The following PPP1R9A variants were observed in gnomAD, a reference collection of about 807,000 sequenced individuals.
PPP1R9A encodes neurabin-1.
In PPP1R9A, 59 loss-of-function variants were observed where a neutral mutation model predicts 141.9. The observed-to-expected ratio is 0.42, with a 90% CI of 0.34 to 0.52. The LOEUF is 0.52. Ranked by LOEUF, PPP1R9A falls within the 20% of genes least tolerant of loss-of-function variation. PPP1R9A has a pLI of 0.10. For missense variants in PPP1R9A, 1,444 were observed against 1,611.9 expected, an observed-to-expected ratio of 0.90 and a Z score of 1.78; for synonymous variants, 500 against 569.7, an observed-to-expected ratio of 0.88 and a Z score of 1.74.
At chr7:95,117,333 C>T (rs757120983) in intron 3 of PPP1R9A, among the ~76,000 whole-genome samples, 5 of 152,094 alleles carry the variant, frequency 3.3e-5, no homozygotes, top group Non-Finnish European at 7.3e-5. Flanking sequence ...CCAGACTTCA[C>T]TCAGAGAAAG....
chr7:95,235,398 G>T (rs368860970), intron 8 of PPP1R9A, among the ~76,000 whole-genome samples: 13 of 152,190 alleles, frequency 8.5e-5, no homozygotes, highest in Non-Finnish European at 1.9e-4. Context: ...ATAAACAAAT[G>T]TCCAACAAAC....
chr7:95,207,511 T>C (rs1791084424), intron 7 of PPP1R9A, among the ~76,000 whole-genome samples: 1 of 152,046 alleles, frequency 6.6e-6, no homozygotes, highest in Non-Finnish European at 1.5e-5. Flanking sequence ...AAACAAAATA[T>C]TAGCAAACCA....
intron 2 of PPP1R9A, among the ~76,000 whole-genome samples, chr7:94,937,132 A>G (rs148570817): frequency 3.3e-4 from 50 of 152,184 alleles, no homozygotes; most frequent in African/African-American, 1.0e-3. Flanking sequence ...TTTTGCTTCT[A>G]TGAATAATGC....
intron 2 of PPP1R9A, among the ~76,000 whole-genome samples, chr7:94,971,237 G>T (rs554413114): frequency 6.6e-6 from 1 of 152,246 alleles, no homozygotes; most frequent in East Asian, 1.9e-4. Flanking sequence ...AGTGGGGGAG[G>T]TCTAGGAAGA....
intron 2 of PPP1R9A, among the ~76,000 whole-genome samples, chr7:94,995,678 A>C (rs1029581072): frequency 3.3e-5 from 5 of 151,900 alleles, no homozygotes; most frequent in Non-Finnish European, 5.9e-5. Flanking sequence ...CCATACCTCT[A>C]CTTAATTTTT....
intron 8 of PPP1R9A, among the ~76,000 whole-genome samples, chr7:95,237,142 G>A (rs1441233668): frequency 4.1e-5 from 6 of 147,768 alleles, no homozygotes; most frequent in Non-Finnish European, 7.5e-5. Context: ...ATATTTAGAT[G>A]TGAAGTTTAT....
chr7:95,031,274 T>C (rs1376857917), intron 2 of PPP1R9A, among the ~76,000 whole-genome samples: 4 of 152,204 alleles, frequency 2.6e-5, no homozygotes, highest in Non-Finnish European at 4.4e-5. Context: ...ATAACTTAGA[T>C]GTAACATTAA....
intron 2 of PPP1R9A, among the ~76,000 whole-genome samples, chr7:94,921,305 G>T (rs1792784326): frequency 6.6e-6 from 1 of 151,994 alleles, no homozygotes; most frequent in Non-Finnish European, 1.5e-5. Context: ...AAATTAGCTG[G>T]GCGTGGTTGC....
At chr7:95,143,364 T>G (rs1304506332) in intron 4 of PPP1R9A, among the ~76,000 whole-genome samples, 1 of 152,096 alleles carries the variant, frequency 6.6e-6, no homozygotes, top group African/African-American at 2.4e-5. Context: ...ATTACAATTT[T>G]TTTCTTTTTT....
chr7:95,202,671 T>G (rs1445005146), intron 6 of PPP1R9A: 11 of 701,244 alleles, frequency 1.6e-5, no homozygotes, highest in Admixed American at 1.3e-4. Flanking sequence ...AACTTTTTAG[T>G]AACATTTAAT....
chr7:95,085,603 C>T (rs572532537), intron 2 of PPP1R9A, among the ~76,000 whole-genome samples: 69 of 151,344 alleles, frequency 4.6e-4, no homozygotes, highest in Middle Eastern at 6.8e-3. Context: ...TTAGTAGTGA[C>T]GGGGTTTCGC....
intron 2 of PPP1R9A, among the ~76,000 whole-genome samples, chr7:94,915,405 A>G (rs2150640467): frequency 6.6e-6 from 1 of 152,222 alleles, no homozygotes; most frequent in East Asian, 1.9e-4. Flanking sequence ...TGCTTCTTAA[A>G]CTTTAATATG....
At chr7:95,223,884 G>A (rs1487199333) in intron 7 of PPP1R9A, among the ~76,000 whole-genome samples, 1 of 151,950 alleles carries the variant, frequency 6.6e-6, no homozygotes, top group Non-Finnish European at 1.5e-5. Context: ...GGTATCTTGA[G>A]ATTATTTACT....
In PPP1R9A at chr7:95,268,642, C is replaced by T. The variant is rs372926792; in HGVS notation, c.2758C>T (p.Pro920Ser). The T allele has an allele frequency of 6.2e-7, 1 of 1,613,336 alleles. No individual in the cohort carries two copies. Among genetic ancestry groups the T allele is most frequent in the African/African-American group, 1.3e-5 (1 of 74,874 alleles). The change falls in exon 13 of 20, where the codon CCC (proline) becomes TCC (serine). Residue 920 changes from proline to serine, a missense_variant. By Grantham distance (74) the Pro-to-Ser change is moderately conservative. Around this residue, in one of 5 missense-constraint regions of PPP1R9A, gnomAD observed 488 missense variants for 542.0 expected, o/e 0.90. Coordinates refer to ENST00000433360, the MANE Select transcript of PPP1R9A (RefSeq NM_001166160.2). ...CTCTGTGAAGAACAGACGCCAGAGA[C>T]CCTCTAGGACAAGACTGTATGATAG... The part of the protein sequence containing the change: ...QLSVKNRRQR[P>S]SRTRLYDSVS...
intron 2 of PPP1R9A, among the ~76,000 whole-genome samples, chr7:95,011,668 G>A (rs1406007962): frequency 5.3e-5 from 8 of 152,118 alleles, no homozygotes; most frequent in Non-Finnish European, 1.0e-4. Context: ...ATTCTTCATG[G>A]TTGGGTGACT....
At chr7:94,956,114 G>T (rs572812620) in intron 2 of PPP1R9A, among the ~76,000 whole-genome samples, 2 of 152,158 alleles carry the variant, frequency 1.3e-5, no homozygotes, top group Admixed American at 1.3e-4. Context: ...TGGTTGGACA[G>T]ACTTCCAAGG....
intron 7 of PPP1R9A, among the ~76,000 whole-genome samples, chr7:95,212,045 C>T (rs1379539210): frequency 6.6e-6 from 1 of 152,054 alleles, no homozygotes; most frequent in Non-Finnish European, 1.5e-5. Context: ...CAAATTGTGG[C>T]AACTGGTCAC....
At position 95,225,950 on chromosome 7, in the gene PPP1R9A, C is replaced by G; in HGVS notation, c.1957-11C>G. On this transcript the variant is annotated splice_polypyrimidine_tract_variant and intron_variant, in intron 7 of 19. Transcript: ENST00000433360. ...AGGACAGCTGGATTTCTGAAATCCC[C>G]TTCCTTTCAGACAGGAGAATATGCC... 1 of 1,590,078 alleles carries G rather than the reference C, an allele frequency of 6.3e-7. No homozygotes were observed. The highest frequency in any genetic ancestry group is 8.6e-7 in the Non-Finnish European group (1 of 1,161,294).
chr7:95,258,240 T>C (rs891462835), intron 12 of PPP1R9A, among the ~76,000 whole-genome samples: 1 of 152,172 alleles, frequency 6.6e-6, no homozygotes, highest in Non-Finnish European at 1.5e-5. Context: ...CTCATTGTGG[T>C]TTTGATTTGC....
Sources: allele counts gnomAD v4.1 joint callset (sites outside exome capture counted in the v4.1 genomes callset), GRCh38; gene constraint gnomAD v4.1.1; regional missense constraint gnomAD v4.1.1; transcripts MANE v1.5; gene names NCBI Gene and HGNC (gene_info 2026-07-23, HGNC 2026-07-21).